Variants in CEP192 observed in about 807,000 individuals in gnomAD.
CEP192 encodes centrosomal protein 192.
A neutral mutation model predicts 271.8 loss-of-function variants in CEP192; 151 were observed. That is an observed-to-expected ratio of 0.56 (90% confidence interval 0.49 to 0.64). CEP192 has a LOEUF of 0.64. Ranked by LOEUF, CEP192 falls within the 30% of genes least tolerant of loss-of-function variation. The pLI is 0.00. For missense variants in CEP192, 2,910 were observed against 3,020.5 expected (o/e 0.96, Z 0.86); for synonymous variants, 995 against 1,076.5 (o/e 0.92, Z 1.48).
chr18:13,079,407 A>G (rs2038468590), intron 30 of CEP192, among the ~76,000 whole-genome samples: 1 of 151,926 alleles, frequency 6.6e-6, no homozygotes, highest in African/African-American at 2.4e-5. Context: ...CATTTTTTTC[A>G]TGTGTCTGTT....
In CEP192 at chr18:13,113,674, AAC is replaced by A; in HGVS notation, c.7141_7142del (p.Thr2381ValfsTer15). The A allele has an allele frequency of 1.9e-6, 3 of 1,613,446 alleles. No homozygotes were observed. Among genetic ancestry groups the A allele is most frequent in the Non-Finnish European group, 2.5e-6 (3 of 1,179,562 alleles). ...CACCCTCTTAAGGAGCCTCACATGA[AAC>A]ACACGTTGAGATTCCAACTCTCTGG... On this transcript the variant is annotated frameshift_variant, in exon 41 of 45. Transcript: ENST00000506447. LOFTEE classifies it high-confidence loss of function.
intron 44 of CEP192, among the ~76,000 whole-genome samples, chr18:13,122,508 G>A (rs923874195): frequency 2.0e-5 from 3 of 152,246 alleles, no homozygotes; most frequent in Admixed American, 1.3e-4. Flanking sequence ...TTGAACCAGG[G>A]AAACAGAGGT....
At position 13,025,209 on chromosome 18, in the gene CEP192, A is replaced by ATAT. The variant is rs537813819; in HGVS notation, c.1051-4436_1051-4434dup. Among the ~76,000 whole-genome samples, 660 of 151,474 alleles carry ATAT rather than the reference A, an allele frequency of 4.4e-3. 4 individuals carry two copies. The highest frequency in any genetic ancestry group is 0.017 in the Middle Eastern group (5 of 294). On this transcript the variant is annotated intron_variant, in intron 9 of 44. Transcript: ENST00000506447. ...TTCTCTTTGTGGTTTTATTTTAAGA[A>ATAT]TATTATTATTATTATTATTACTATT...
At chr18:13,087,881 T>C (rs891131841) in intron 32 of CEP192, among the ~76,000 whole-genome samples, 7 of 152,234 alleles carry the variant, frequency 4.6e-5, no homozygotes, top group Admixed American at 6.5e-5. Flanking sequence ...TAGGTGAATG[T>C]ATTGTGCCAC....
chr18:13,055,951 A>G lies in CEP192; in HGVS notation c.3361A>G (p.Thr1121Ala). 6.2e-7 allele frequency: 1 copy of G among 1,614,206 alleles called. No individual in the cohort carries two copies. Residue 1121 changes from threonine to alanine, a missense_variant, in exon 19 of 45, where the codon ACT becomes GCT. Coordinates refer to ENST00000506447, the MANE Select transcript of CEP192 (RefSeq NM_032142.4). ...TGATACAAGAAAAGCAACTGAAACTACTTCTCTGAGTAGCAAGCCTGAATA... is the reference window on the plus strand; with the variant it reads ...TGATACAAGAAAAGCAACTGAAACTGCTTCTCTGAGTAGCAAGCCTGAATA... Reference protein sequence around the residue: ...NSDTRKATETTSLSSKPEYVK... With the variant: ...NSDTRKATETASLSSKPEYVK...
intron 44 of CEP192, 114 bp downstream of exon 44, chr18:13,117,757 AC>A: frequency 1.3e-6 from 1 of 741,380 alleles, no homozygotes; most frequent in Non-Finnish European, 2.4e-6. Flanking sequence ...CCTCACCAGC[AC>A]CAAACAGCAT....
At chr18:13,009,369 A>G (rs1418034263) in intron 4 of CEP192, among the ~76,000 whole-genome samples, 1 of 152,208 alleles carries the variant, frequency 6.6e-6, no homozygotes, top group Non-Finnish European at 1.5e-5. Flanking sequence ...TTTTTAGTGC[A>G]TCTTCCACTT....
chr18:13,063,956 G>T (rs1460915512), intron 21 of CEP192, among the ~76,000 whole-genome samples: 1 of 151,694 alleles, frequency 6.6e-6, no homozygotes, highest in Non-Finnish European at 1.5e-5. Context: ...GAGTAGCTGG[G>T]ATTACAGGCA....
rs2039597254 is a variant in CEP192 at position 13,099,364 on chromosome 18, TC to T, written c.6558-110del. 20 of 611,474 alleles carry T rather than the reference TC, an allele frequency of 3.3e-5. No individual in the cohort carries two copies. The South Asian group carries it at 4.1e-4, about 13-fold the overall frequency. 37.9% of individuals were successfully genotyped at this position (611,474 alleles called of 1,614,324 possible). A position where few individuals can be genotyped will look rare whatever the true frequency, so the allele number is the denominator to read the frequency against. ...GGGAGTGAGCTCTGTTCTCTGCTCT[TC>T]CTGAGCAGTGAGGAAATGGCCATTG... is the stretch of plus-strand genomic sequence containing the variant. On this transcript the variant is annotated intron_variant, in intron 36 of 44. Coordinates refer to ENST00000506447, the MANE Select transcript of CEP192 (RefSeq NM_032142.4).
At chr18:13,014,080 AT>A (rs1284466987) in intron 5 of CEP192, among the ~76,000 whole-genome samples, 1 of 152,230 alleles carries the variant, frequency 6.6e-6, no homozygotes, top group East Asian at 1.9e-4. Context: ...TGTACTGCTC[AT>A]AAAGCCTGAA....
chr18:13,018,798 A>G (rs985264064), intron 8 of CEP192, among the ~76,000 whole-genome samples, 183 bp downstream of exon 8: 1 of 152,238 alleles, frequency 6.6e-6, no homozygotes, highest in Non-Finnish European at 1.5e-5. Context: ...TAGTGTTACT[A>G]GAAATACCGT....
intron 34 of CEP192, among the ~76,000 whole-genome samples, chr18:13,095,139 A>G (rs2039330097): frequency 6.6e-6 from 1 of 152,294 alleles, no homozygotes; most frequent in East Asian, 1.9e-4. Flanking sequence ...CTGGGACTAC[A>G]GACACCTGCC....
intron 34 of CEP192, among the ~76,000 whole-genome samples, chr18:13,094,287 G>T (rs1249445861): frequency 1.3e-5 from 2 of 152,154 alleles, no homozygotes; most frequent in East Asian, 3.8e-4. Flanking sequence ...AGCATCCATT[G>T]ATGCTTGTTG....
At position 13,089,562 on chromosome 18, in the gene CEP192, GA is replaced by G; in HGVS notation, c.6102del (p.Val2035TyrfsTer25). 1 of 1,464,850 alleles carries G rather than the reference GA, an allele frequency of 6.8e-7. No individual in the cohort carries two copies. The highest frequency in any genetic ancestry group is 9.5e-7 in the Non-Finnish European group (1 of 1,050,232). The allele number at this position is 1,464,850 out of a possible 1,614,324, so 90.7% of individuals were successfully genotyped here. Reference sequence around the variant, plus strand: ...ATTTCAAGATGAGCTATTAGTAACTGAAGGTAAGAATTCCGGCGTGTCTTGA... The same window carrying G: ...ATTTCAAGATGAGCTATTAGTAACTGAGGTAAGAATTCCGGCGTGTCTTGA... ...EAFQDELLVT[E>X]VYDLPQRPND... On this transcript the variant is annotated frameshift_variant and splice_region_variant, in exon 33 of 45. Transcript: ENST00000506447. LOFTEE classifies it high-confidence loss of function.
Position 13,087,606 on chromosome 18 carries a change from T to C in CEP192, c.5953T>C (p.Leu1985=). The stretch of plus-strand genomic sequence containing the variant: ...TGCAACAGAACTATCAACTGTATAC[T>C]TATTTGGTGGAGATGAAATTTCAAG... The part of the protein sequence containing the change: ...KTATELSTVY[L]FGGDEISRQQ... Residue 1985 remains leucine, a synonymous_variant, in exon 32 of 45, where the codon TTA becomes CTA. Transcript: ENST00000506447. 6.3e-7 allele frequency: 1 copy of C among 1,579,350 alleles called. No individual in the cohort carries two copies. The highest frequency in any genetic ancestry group is 8.6e-7 in the Non-Finnish European group (1 of 1,161,696).
At chr18:13,038,857 A>C (rs1470308760) in intron 13 of CEP192, among the ~76,000 whole-genome samples, 2 of 152,238 alleles carry the variant, frequency 1.3e-5, no homozygotes, top group African/African-American at 4.8e-5. Flanking sequence ...GTGACGGTTC[A>C]TGTAAAGCAT....
At chr18:13,123,739 T>C (rs2040779842) in intron 44 of CEP192, among the ~76,000 whole-genome samples, 1 of 152,222 alleles carries the variant, frequency 6.6e-6, no homozygotes, top group Non-Finnish European at 1.5e-5. Context: ...AGGTGTATTT[T>C]GAAGCTCTTA....
chr18:13,061,765 C>T (rs2037419890), intron 21 of CEP192, among the ~76,000 whole-genome samples: 1 of 152,178 alleles, frequency 6.6e-6, no homozygotes, highest in Non-Finnish European at 1.5e-5. Context: ...GTGGGAAAGG[C>T]TGTCTTGTGC....
chr18:13,055,930 A>G lies in CEP192; in HGVS notation c.3340A>G (p.Thr1114Ala). Residue 1114 changes from threonine to alanine, a missense_variant, in exon 19 of 45, where the codon ACA (threonine) becomes GCA (alanine). Physicochemically the swap from Thr to Ala is moderately conservative, Grantham distance 58 (BLOSUM62 0). Transcript: ENST00000506447. ...ATCTATTATCCAGAATAACTCTGATACAAGAAAAGCAACTGAAACTACTTC... is the reference window on the plus strand; with the variant it reads ...ATCTATTATCCAGAATAACTCTGATGCAAGAAAAGCAACTGAAACTACTTC... Reference protein sequence around the residue: ...LSSIIQNNSDTRKATETTSLS... With the variant: ...LSSIIQNNSDARKATETTSLS... 6.2e-7 allele frequency: 1 copy of G among 1,614,222 alleles called. No individual in the cohort carries two copies.
Sources: allele counts gnomAD v4.1 joint callset (sites outside exome capture counted in the v4.1 genomes callset), GRCh38; gene constraint gnomAD v4.1.1; transcripts MANE v1.5; gene names NCBI Gene and HGNC (gene_info 2026-07-23, HGNC 2026-07-21).